FAM53B: variants seen among roughly 807,000 people sequenced by gnomAD.
FAM53B encodes the protein protein FAM53B.
FAM53B carries 12 observed loss-of-function variants against 32.7 expected under a neutral mutation model. The observed-to-expected ratio is 0.37, with a 90% CI of 0.24 to 0.59. FAM53B has a LOEUF of 0.59. Ranked by LOEUF, FAM53B falls within the 20% of genes least tolerant of loss-of-function variation. FAM53B has a pLI of 0.72. For synonymous variants in FAM53B, 234 were observed against 228.7 expected, an observed-to-expected ratio of 1.02 and a Z score of -0.21; for missense variants, 477 against 577.7, an observed-to-expected ratio of 0.83 and a Z score of 1.79.
chr10:124,691,177 C>T (rs1266180167), intron 3 of FAM53B, among the ~76,000 whole-genome samples: 2 of 152,216 alleles, frequency 1.3e-5, no homozygotes, highest in African/African-American at 4.8e-5. Context: ...CAGCTCAACA[C>T]AGCCAACTGG....
chr10:124,648,470 G>C (rs2362516), intron 4 of FAM53B, among the ~76,000 whole-genome samples: 150,196 of 152,346 alleles, frequency 0.99, 74,071 homozygotes, highest in Non-Finnish European at 1. Context: ...ACATCTCCCC[G>C]CTCCTTGGGA....
chr10:124,726,853 T>C (rs1029371784), intron 1 of FAM53B, among the ~76,000 whole-genome samples: 1 of 152,226 alleles, frequency 6.6e-6, no homozygotes, highest in African/African-American at 2.4e-5. Flanking sequence ...AGAGCTGAGA[T>C]ACATGTTTCA....
At chr10:124,722,271 G>A (rs1950073324) in intron 1 of FAM53B, among the ~76,000 whole-genome samples, 1 of 152,090 alleles carries the variant, frequency 6.6e-6, no homozygotes, top group South Asian at 2.1e-4. Context: ...CATTATATGT[G>A]TTGCAACATC....
Position 124,709,332 on chromosome 10 carries a change from C to T in FAM53B, c.-174-2445G>A, listed in dbSNP as rs549096882. On this transcript the variant is annotated intron_variant, in intron 1 of 4. Coordinates refer to ENST00000337318, the MANE Select transcript of FAM53B (RefSeq NM_014661.4). The stretch of plus-strand genomic sequence containing the variant: ...CTCTGCATGAAGCAGGAAGCCAGAA[C>T]GAGGCAAAGACGGGGCACCCCAGCT... Among the ~76,000 whole-genome samples the T allele has an allele frequency of 9.8e-5, 15 of 152,324 alleles. 1 individual carries two copies. In the South Asian group the frequency reaches 2.9e-3, roughly 29 times the overall value.
At chr10:124,723,411 G>A (rs1426835776) in intron 1 of FAM53B, among the ~76,000 whole-genome samples, 2 of 152,190 alleles carry the variant, frequency 1.3e-5, no homozygotes, top group African/African-American at 4.8e-5. Context: ...ATTCACGGAG[G>A]GGCTGGGCTC....
chr10:124,657,174 GTACATATA>G (rs1217267319), intron 4 of FAM53B, among the ~76,000 whole-genome samples: 201 of 16,608 alleles, frequency 0.012, no homozygotes, highest in African/African-American at 0.016. Context: ...ATATATATAT[GTACATATA>G]TATATATATA....
intron 1 of FAM53B, among the ~76,000 whole-genome samples, chr10:124,730,117 G>C (rs1326896168): frequency 6.6e-6 from 1 of 152,230 alleles, no homozygotes; most frequent in African/African-American, 2.4e-5. Context: ...CATTTTGAAT[G>C]AATGAAGTAG....
At chr10:124,691,044 C>T (rs567685923) in intron 3 of FAM53B, among the ~76,000 whole-genome samples, 10 of 152,348 alleles carry the variant, frequency 6.6e-5, no homozygotes, top group African/African-American at 2.4e-4. Flanking sequence ...CAAAAGCACT[C>T]AAGCTCTGAG....
intron 4 of FAM53B, among the ~76,000 whole-genome samples, chr10:124,664,079 A>G (rs964901000): frequency 5.3e-5 from 8 of 152,146 alleles, no homozygotes; most frequent in African/African-American, 1.9e-4. Flanking sequence ...ACACAGCACC[A>G]GGCACTGAGG....
intron 1 of FAM53B, among the ~76,000 whole-genome samples, chr10:124,729,758 A>G (rs1292546604): frequency 2.0e-5 from 3 of 152,238 alleles, no homozygotes; most frequent in Non-Finnish European, 2.9e-5. Context: ...ACAACCAGCC[A>G]CACAGCTCTT....
At chr10:124,645,504 GCA>G (rs1949506925) in intron 4 of FAM53B, among the ~76,000 whole-genome samples, 1 of 152,208 alleles carries the variant, frequency 6.6e-6, no homozygotes, top group African/African-American at 2.4e-5. Context: ...TCTGCTGAAG[GCA>G]GACAGGTGAG....
intron 1 of FAM53B, among the ~76,000 whole-genome samples, chr10:124,717,301 TTA>T (rs1180271068): frequency 1.5e-4 from 23 of 152,262 alleles, no homozygotes; most frequent in African/African-American, 5.3e-4. Flanking sequence ...AGCCAGGTCT[TTA>T]TGACTCTCTG....
chr10:124,725,216 G>T (rs1950094145), intron 1 of FAM53B, among the ~76,000 whole-genome samples: 2 of 152,274 alleles, frequency 1.3e-5, no homozygotes, highest in Admixed American at 1.3e-4. Flanking sequence ...CAAATGAGAG[G>T]AAACCACCAC....
At chr10:124,719,397 G>C (rs1231665365) in intron 1 of FAM53B, among the ~76,000 whole-genome samples, 1 of 152,148 alleles carries the variant, frequency 6.6e-6, no homozygotes, top group Non-Finnish European at 1.5e-5. Flanking sequence ...GAGTCACCCG[G>C]CTTTAAAGCA....
intron 4 of FAM53B, among the ~76,000 whole-genome samples, chr10:124,640,340 A>G (rs1023350587): frequency 2.0e-5 from 3 of 152,210 alleles, no homozygotes; most frequent in Admixed American, 6.5e-5. Flanking sequence ...CGTGTTCCTG[A>G]GCAGCCAAGC....
intron 2 of FAM53B, chr10:124,705,802 G>C (rs76288403): frequency 0.049 from 7,472 of 152,478 alleles, 231 homozygotes; most frequent in East Asian, 0.12. Flanking sequence ...GCATGAGCTA[G>C]GGGAAGGGGC....
intron 4 of FAM53B, among the ~76,000 whole-genome samples, chr10:124,654,833 C>A (rs1162309593): frequency 6.6e-6 from 1 of 152,206 alleles, no homozygotes; most frequent in East Asian, 1.9e-4. Flanking sequence ...GTAAGGAGGC[C>A]CCGGCGTGCC....
intron 4 of FAM53B, among the ~76,000 whole-genome samples, chr10:124,659,142 T>C (rs1949613609): frequency 6.6e-6 from 1 of 152,224 alleles, no homozygotes; most frequent in Admixed American, 6.5e-5. Flanking sequence ...GGGAGCTCAG[T>C]GTACACTGAC....
chr10:124,681,187 C>T (rs1949768621), intron 4 of FAM53B, among the ~76,000 whole-genome samples: 2 of 152,198 alleles, frequency 1.3e-5, no homozygotes, highest in South Asian at 2.1e-4. Context: ...ACCCACAACC[C>T]TGATCTCAGG....
Sources: gnomAD v4.1 joint callset for allele counts (sites outside exome capture counted in the v4.1 genomes callset) on GRCh38, gnomAD v4.1.1 for gene constraint, MANE v1.5 for transcripts, NCBI Gene and HGNC (gene_info 2026-07-23, HGNC 2026-07-21) for gene names.